The following NCKAP5 variants were observed in gnomAD, a reference collection of about 807,000 sequenced individuals.
NCKAP5 encodes the protein NCK associated protein 5.
In NCKAP5, 92 loss-of-function variants were observed where a neutral mutation model predicts 167.0. The observed-to-expected ratio is 0.55, with a 90% CI of 0.47 to 0.66. The LOEUF is 0.66. Among genes scored for constraint, NCKAP5 ranks in the 30% least tolerant of loss-of-function variants. The probability of loss-of-function intolerance (pLI) is 0.00; values close to 1 mark genes in which losing one functional copy is unlikely to be tolerated. For synonymous variants in NCKAP5, 891 were observed against 877.4 expected (o/e 1.02, Z -0.27); for missense variants, 2,378 against 2,315.0 (o/e 1.03, Z -0.56).
intron 3 of NCKAP5, among the ~76,000 whole-genome samples, chr2:133,380,016 G>GA (rs1036633301): frequency 6.6e-6 from 1 of 151,470 alleles, no homozygotes; most frequent in African/African-American, 2.4e-5. Flanking sequence ...ATGAGAGAGG[G>GA]AAAAAAATTA....
intron 3 of NCKAP5, among the ~76,000 whole-genome samples, chr2:133,345,532 G>A (rs547169383): frequency 2.2e-4 from 33 of 152,264 alleles, no homozygotes; most frequent in African/African-American, 7.9e-4. Context: ...GTTGAAATAT[G>A]CTGACACCTG....
intron 8 of NCKAP5, among the ~76,000 whole-genome samples, chr2:132,962,748 G>A (rs1314759286): frequency 2.0e-4 from 31 of 152,050 alleles, no homozygotes; most frequent in Admixed American, 2.0e-3. Flanking sequence ...GTGCCACCAC[G>A]CCTGGCTAAT....
intron 3 of NCKAP5, among the ~76,000 whole-genome samples, chr2:133,305,247 A>G (rs542701387): frequency 6.6e-6 from 1 of 152,294 alleles, no homozygotes; most frequent in East Asian, 1.9e-4. Flanking sequence ...AGGTGTAGTG[A>G]TGACAAATGA....
intron 6 of NCKAP5, among the ~76,000 whole-genome samples, chr2:133,097,553 C>T (rs748809691): frequency 1.1e-4 from 16 of 152,078 alleles, no homozygotes; most frequent in African/African-American, 3.1e-4. Context: ...TTTTCTTGAT[C>T]GTCAGAACCT....
intron 6 of NCKAP5, among the ~76,000 whole-genome samples, chr2:133,064,526 G>T (rs773574117): frequency 1.4e-4 from 22 of 151,726 alleles, no homozygotes; most frequent in Non-Finnish European, 2.8e-4. Context: ...AAGTGTTAAA[G>T]AGCTTTCTTG....
intron 3 of NCKAP5, among the ~76,000 whole-genome samples, chr2:133,404,053 T>A (rs1039565698): frequency 1.3e-5 from 2 of 152,242 alleles, no homozygotes; most frequent in Admixed American, 1.3e-4. Flanking sequence ...CACCCTACTT[T>A]CTCCAGGCCT....
chr2:133,153,833 CT>C (rs570596198), intron 5 of NCKAP5, among the ~76,000 whole-genome samples: 2,306 of 109,736 alleles, frequency 0.021, 45 homozygotes, highest in African/African-American at 0.075. Flanking sequence ...GTTCCTCCTT[CT>C]TTTTTTTTTT....
intron 2 of NCKAP5, among the ~76,000 whole-genome samples, chr2:133,546,459 T>C (rs1019627722): frequency 6.6e-6 from 1 of 152,226 alleles, no homozygotes; most frequent in East Asian, 1.9e-4. Context: ...CCTGCTCATG[T>C]ATACTCCACT....
At chr2:132,788,663 C>T (rs943847407) in intron 13 of NCKAP5, among the ~76,000 whole-genome samples, 1 of 152,106 alleles carries the variant, frequency 6.6e-6, no homozygotes, top group Non-Finnish European at 1.5e-5. Context: ...TCGACTAGAG[C>T]CACATTCCTC....
At chr2:132,927,217 T>C (rs536275914) in intron 8 of NCKAP5, among the ~76,000 whole-genome samples, 4 of 152,292 alleles carry the variant, frequency 2.6e-5, no homozygotes, top group African/African-American at 9.6e-5. Flanking sequence ...TTCTGTTTCT[T>C]TGACCTATGT....
the NCKAP5 span, among the ~76,000 whole-genome samples, chr2:133,605,883 G>T: frequency 6.6e-6 from 1 of 152,172 alleles, no homozygotes; most frequent in Admixed American, 6.5e-5. Context: ...GAGGAAAAGG[G>T]GGGCAGGAGG....
intron 8 of NCKAP5, among the ~76,000 whole-genome samples, chr2:132,943,567 T>C (rs544678300): frequency 1.7e-4 from 26 of 152,316 alleles, no homozygotes; most frequent in African/African-American, 6.0e-4. Flanking sequence ...AAGAGGAATA[T>C]TTTATCAAAG....
At chr2:133,647,408 GAAGGAAGGAAGA>G in the NCKAP5 span, among the ~76,000 whole-genome samples, 311 of 121,832 alleles carry the variant, frequency 2.6e-3, 4 homozygotes, top group African/African-American at 0.011. Context: ...AGGAAGGAAG[GAAGGAAGGAAGA>G]GAAAGAAAGG....
At chr2:133,358,787 A>T (rs1173596136) in intron 3 of NCKAP5, among the ~76,000 whole-genome samples, 1 of 152,234 alleles carries the variant, frequency 6.6e-6, no homozygotes, top group Non-Finnish European at 1.5e-5. Flanking sequence ...CATATGGCTA[A>T]CACTGACCTG....
At chr2:133,651,450 A>G in the NCKAP5 span, among the ~76,000 whole-genome samples, 1 of 152,216 alleles carries the variant, frequency 6.6e-6, no homozygotes, top group Admixed American at 6.5e-5. Flanking sequence ...CAAAACCACA[A>G]TGAGATATCA....
At chr2:133,547,377 C>A (rs1378534886) in intron 2 of NCKAP5, among the ~76,000 whole-genome samples, 1 of 151,994 alleles carries the variant, frequency 6.6e-6, no homozygotes, top group Non-Finnish European at 1.5e-5. Flanking sequence ...GAGCCCACCA[C>A]AGCTCAAGGA....
At chr2:132,845,631 T>G (rs190199581) in intron 11 of NCKAP5, among the ~76,000 whole-genome samples, 115 of 152,304 alleles carry the variant, frequency 7.6e-4, no homozygotes, top group African/African-American at 2.5e-3. Context: ...ATCTATTTAT[T>G]TCTTCTTGGT....
chr2:133,589,237 A>C, the NCKAP5 span, among the ~76,000 whole-genome samples: 1 of 152,220 alleles, frequency 6.6e-6, no homozygotes, highest in Non-Finnish European at 1.5e-5. Flanking sequence ...TGTCAGGATG[A>C]ACTCGGGTTG....
chr2:132,790,234 GGCTTT>G (rs1558782517), intron 12 of NCKAP5, 29 bp from the exon 13 acceptor site: 4 of 1,592,402 alleles, frequency 2.5e-6, no homozygotes, highest in African/African-American at 2.7e-5. Flanking sequence ...TCTGAGCAAG[GGCTTT>G]GCTCAGAGGA....
Sources: gnomAD v4.1 joint callset for allele counts (sites outside exome capture counted in the v4.1 genomes callset) on GRCh38, gnomAD v4.1.1 for gene constraint, MANE v1.5 for transcripts, NCBI Gene and HGNC (gene_info 2026-07-23, HGNC 2026-07-21) for gene names.